Variants in HIVEP2 observed in about 807,000 individuals in gnomAD.
HIVEP2 encodes the protein HIVEP zinc finger 2, also known as transcription factor HIVEP2.
In HIVEP2, 14 loss-of-function variants were observed where a neutral mutation model predicts 180.7. That is an observed-to-expected ratio of 0.08 (90% CI 0.05 to 0.12). The LOEUF is 0.12. Among genes scored for constraint, HIVEP2 ranks in the 10% least tolerant of loss-of-function variants. HIVEP2 has a pLI of 1.00. For missense variants in HIVEP2, 2,579 were observed against 3,008.5 expected (o/e 0.86, Z 3.34); for synonymous variants, 1,184 against 1,136.4 (o/e 1.04, Z -0.84).
At chr6:142,784,395 C>T (rs962193389) in intron 2 of HIVEP2, among the ~76,000 whole-genome samples, 6 of 152,164 alleles carry the variant, frequency 3.9e-5, no homozygotes, top group African/African-American at 1.4e-4. Flanking sequence ...TTAAAGTGTG[C>T]TTTCCTGCAG....
intron 1 of HIVEP2, among the ~76,000 whole-genome samples, chr6:142,914,358 A>G (rs559348474): frequency 1.1e-4 from 16 of 152,294 alleles, no homozygotes; most frequent in African/African-American, 3.6e-4. Flanking sequence ...ACAACCGATG[A>G]TACCTTAGAG....
chr6:142,906,623 AAATG>A (rs1582956819), intron 1 of HIVEP2, among the ~76,000 whole-genome samples: 1 of 152,282 alleles, frequency 6.6e-6, no homozygotes, highest in East Asian at 1.9e-4. Context: ...AAAGAAAAAA[AAATG>A]AATATTCAGC....
At chr6:142,764,729 TA>T in intron 7 of HIVEP2, 69 bp downstream of exon 7, 2 of 1,120,382 alleles carry the variant, frequency 1.8e-6, no homozygotes, top group Non-Finnish European at 2.6e-6. Context: ...AGGTTAGTTA[TA>T]AAATAGCACT....
intron 2 of HIVEP2, among the ~76,000 whole-genome samples, chr6:142,833,623 C>T (rs1451131366): frequency 2.6e-5 from 4 of 151,900 alleles, no homozygotes; most frequent in East Asian, 1.9e-4. Context: ...AATGCATGAA[C>T]GAATGAAGGT....
At chr6:142,834,255 A>G (rs1480049454) in intron 2 of HIVEP2, among the ~76,000 whole-genome samples, 2 of 152,218 alleles carry the variant, frequency 1.3e-5, no homozygotes, top group African/African-American at 4.8e-5. Context: ...GATGAAGAAA[A>G]GGTTTGGGGA....
rs1370442440 is a variant in HIVEP2, at chr6:142,881,472, A to G, written c.-640-44425T>C. ...AGACACAGTAAGAATGGCCCTACACATGTTATTAGAGTACATTCCTGTGCA... is the reference window on the plus strand; with the variant it reads ...AGACACAGTAAGAATGGCCCTACACGTGTTATTAGAGTACATTCCTGTGCA... On this transcript the variant is annotated intron_variant, in intron 1 of 9. Transcript: ENST00000367603. Among the ~76,000 whole-genome samples the G allele has an allele frequency of 2.0e-5, 3 of 152,202 alleles. No individual in the cohort carries two copies. In the East Asian group the frequency reaches 5.8e-4, roughly 29 times the overall value.
intron 1 of HIVEP2, among the ~76,000 whole-genome samples, chr6:142,856,362 G>A (rs933963989): frequency 6.6e-6 from 1 of 150,600 alleles, no homozygotes; most frequent in African/African-American, 2.4e-5. Flanking sequence ...AAGACTCAAA[G>A]ATACTGAAGA....
chr6:142,797,767 T>A (rs1776312290), intron 2 of HIVEP2, among the ~76,000 whole-genome samples: 1 of 152,144 alleles, frequency 6.6e-6, no homozygotes, highest in South Asian at 2.1e-4. Context: ...TCTTACTGTG[T>A]CTAAGTTATA....
At chr6:142,843,901 T>C (rs1157835138) in intron 1 of HIVEP2, among the ~76,000 whole-genome samples, 2 of 152,240 alleles carry the variant, frequency 1.3e-5, no homozygotes, top group Non-Finnish European at 2.9e-5. Flanking sequence ...TCTTTAATGA[T>C]TAAGACTTTC....
rs187495764 is a variant in HIVEP2 at position 142,862,484 on chromosome 6, A to G, written c.-640-25437T>C. Among the ~76,000 whole-genome samples the G allele has an allele frequency of 1.3e-3, 136 of 106,170 alleles. 1 individual carries two copies. Among genetic ancestry groups the G allele is most frequent in the Admixed American group, 2.2e-3 (26 of 11,692 alleles). The allele number at this position is 106,170 out of a possible 152,430, so 69.7% of individuals were successfully genotyped here. The stretch of plus-strand genomic sequence containing the variant: ...ATGTATCATATATTTTATAATACAT[A>G]TAATCGATTATATGTATCATATATT... On this transcript the variant is annotated intron_variant, in intron 1 of 9. Coordinates refer to ENST00000367603, the MANE Select transcript of HIVEP2 (RefSeq NM_006734.4).
intron 1 of HIVEP2, among the ~76,000 whole-genome samples, chr6:142,881,487 A>G (rs1038764904): frequency 1.3e-5 from 2 of 152,156 alleles, no homozygotes; most frequent in Non-Finnish European, 2.9e-5. Flanking sequence ...ATTAGAGTAC[A>G]TTCCTGTGCA....
chr6:142,847,092 A>T (rs559997149), intron 1 of HIVEP2, among the ~76,000 whole-genome samples: 41 of 152,310 alleles, frequency 2.7e-4, no homozygotes, highest in Middle Eastern at 3.4e-3. Context: ...CCTGTACCTC[A>T]GGGTTATACT....
At chr6:142,769,480 A>G (rs1775463981) in intron 5 of HIVEP2, 72 bp downstream of exon 5, 1 of 1,326,812 alleles carries the variant, frequency 7.5e-7, no homozygotes, top group Admixed American at 2.0e-5. Context: ...TAGGCCTTAT[A>G]TCCTTCACTA....
chr6:142,764,769 T>G, intron 7 of HIVEP2, 30 bp downstream of exon 7: 1 of 1,574,342 alleles, frequency 6.4e-7, no homozygotes, highest in Non-Finnish European at 8.7e-7. Context: ...TAGAGAAGTA[T>G]TTTTCCTCTC....
At chr6:142,802,510 C>T (rs1426761501) in intron 2 of HIVEP2, among the ~76,000 whole-genome samples, 2 of 151,702 alleles carry the variant, frequency 1.3e-5, no homozygotes, top group Non-Finnish European at 2.9e-5. Flanking sequence ...TGAGTCTTGG[C>T]CATGAAGTAA....
chr6:142,769,925 A>G lies in HIVEP2; in HGVS notation c.4814T>C (p.Val1605Ala). The change falls in exon 5 of 10, where the codon GTT becomes GCT. Residue 1605 changes from valine (V) to alanine (A), a missense_variant. Coordinates refer to ENST00000367603, the MANE Select transcript of HIVEP2 (RefSeq NM_006734.4). The part of the protein sequence containing the change: ...EEEGKGHKRP[V>A]GMLVRMASAP... ...AGAGGCCATGCGGACCAGCATGCCA[A>G]CAGGCCGCTTGTGGCCCTTCCCTTC... 2.5e-6 allele frequency: 4 copies of G among 1,614,072 alleles called. No individual in the cohort carries two copies. The highest frequency in any genetic ancestry group is 3.4e-6 in the Non-Finnish European group (4 of 1,180,040).
At chr6:142,867,032 T>TG (rs1427498328) in intron 1 of HIVEP2, among the ~76,000 whole-genome samples, 22 of 152,316 alleles carry the variant, frequency 1.4e-4, no homozygotes, top group Admixed American at 1.2e-3. Context: ...AGAGAGGTAC[T>TG]GACTCCAGTA....
At position 142,770,168 on chromosome 6, in the gene HIVEP2, T is replaced by A; in HGVS notation, c.4571A>T (p.Gln1524Leu). 1 of 1,614,138 alleles carries A rather than the reference T, an allele frequency of 6.2e-7. No individual in the cohort carries two copies. Among genetic ancestry groups the A allele is most frequent in the Non-Finnish European group, 8.5e-7 (1 of 1,180,012 alleles). ...SFSSLSPSSS[Q>L]DYPSVSPSSR... ...AGACGGGCTAACAGAAGGATAGTCT[T>A]GAGATGAGGAGGGCGACAGCGAGGA... The change falls in exon 5 of 10, where the codon CAA becomes CTA. Residue 1524 changes from glutamine to leucine, a missense_variant. Coordinates refer to ENST00000367603, the MANE Select transcript of HIVEP2 (RefSeq NM_006734.4). The surrounding 1 kb of genome is among the most constrained non-coding windows in gnomAD (Gnocchi z 4.7).
rs1020826689 is a variant in HIVEP2, at chr6:142,945,005, T to G, written c.-641+94A>C. On this transcript the variant is annotated intron_variant, in intron 1 of 9. Transcript: ENST00000367603. The surrounding 1 kb of genome is among the most constrained non-coding windows in gnomAD (Gnocchi z 5.5). The stretch of plus-strand genomic sequence containing the variant: ...AAATGCCCAGAGCCAGCGCCTTCGC[T>G]GCGCTCGCTCGGCCGCAGGCCGGCG... The G allele has an allele frequency of 2.7e-5, 4 of 148,976 alleles. No homozygotes were observed. The East Asian group carries it at 7.8e-4, about 29-fold the overall frequency. 9.2% of individuals were successfully genotyped at this position (148,976 alleles called of 1,614,324 possible).
Sources: allele counts gnomAD v4.1 joint callset (sites outside exome capture counted in the v4.1 genomes callset), GRCh38; gene constraint gnomAD v4.1.1; non-coding constraint Gnocchi (gnomAD v3.1); transcripts MANE v1.5; gene names NCBI Gene and HGNC (gene_info 2026-07-23, HGNC 2026-07-21).